Variants in ANO4 observed in about 807,000 individuals in gnomAD.
ANO4 encodes the protein anoctamin 4.
Under a neutral mutation model 141.9 loss-of-function variants are expected in ANO4, and 69 were observed. The observed-to-expected ratio is 0.49, with a 90% CI of 0.40 to 0.59. The LOEUF is 0.59. ANO4 is among the 20% of genes least tolerant of loss of function. The probability of loss-of-function intolerance (pLI) is 0.00; values close to 1 mark genes in which losing one functional copy is unlikely to be tolerated. For synonymous variants in ANO4, 350 were observed against 394.3 expected (o/e 0.89, Z 1.33); for missense variants, 894 against 1,162.2 (o/e 0.77, Z 3.36).
intron 17 of ANO4, among the ~76,000 whole-genome samples, chr12:101,088,754 G>C (rs1163877414): frequency 6.6e-6 from 1 of 151,824 alleles, no homozygotes; most frequent in Non-Finnish European, 1.5e-5. Flanking sequence ...AATTAGCCAG[G>C]TGGCACACCT....
At chr12:100,996,492 C>T (rs2045376914) in intron 8 of ANO4, among the ~76,000 whole-genome samples, 1 of 152,106 alleles carries the variant, frequency 6.6e-6, no homozygotes, top group Non-Finnish European at 1.5e-5. Context: ...TGAGACCAGC[C>T]TGCCAACATG....
intron 3 of ANO4, among the ~76,000 whole-genome samples, chr12:100,749,213 C>A (rs2032252088): frequency 6.6e-6 from 1 of 152,136 alleles, no homozygotes; most frequent in African/African-American, 2.4e-5. Flanking sequence ...AGAGGTATTG[C>A]CGCACAGGGT....
intron 1 of ANO4, among the ~76,000 whole-genome samples, chr12:100,727,141 T>A (rs1252591411): frequency 6.6e-6 from 1 of 152,202 alleles, no homozygotes. Context: ...GAATATATAT[T>A]CCCTGACTGT....
chr12:100,836,335 CT>C (rs916192488), intron 1 of ANO4, among the ~76,000 whole-genome samples: 16 of 151,948 alleles, frequency 1.1e-4, no homozygotes, highest in African/African-American at 3.9e-4. Context: ...AATATGAAGT[CT>C]TTTTATATAT....
intron 1 of ANO4, among the ~76,000 whole-genome samples, chr12:100,891,051 C>A (rs891795172): frequency 6.6e-6 from 1 of 152,094 alleles, no homozygotes; most frequent in African/African-American, 2.4e-5. Flanking sequence ...AATATGTAGC[C>A]TTTTCAGACT....
intron 9 of ANO4, among the ~76,000 whole-genome samples, chr12:101,036,726 A>G: frequency 6.6e-6 from 1 of 152,188 alleles, no homozygotes; most frequent in East Asian, 1.9e-4. Flanking sequence ...ATCAAAGAGT[A>G]TAAAGTTTCA....
Position 101,088,072 on chromosome 12 carries a change from C to T in ANO4, c.1701+1248C>T, listed in dbSNP as rs115752941. 5.2e-3 allele frequency among the ~76,000 whole-genome samples: 784 copies of T among 151,468 alleles called. 6 individuals are homozygous for T. The highest frequency in any genetic ancestry group is 0.018 in the African/African-American group (754 of 41,206). On this transcript the variant is annotated intron_variant, in intron 17 of 27. Transcript: ENST00000392977. ...GCTTTCCTCTCTCTCACAGTAAAAG[C>T]CTGCGAGGCCACATCTACACAGTGG...
rs2047443251 is a variant in ANO4 at position 101,042,404 on chromosome 12, G to A, written c.1090G>A (p.Ala364Thr). The change falls in exon 12 of 28, where the codon GCT becomes ACT. Residue 364 changes from alanine to threonine, a missense_variant. Coordinates refer to ENST00000392977, the MANE Select transcript of ANO4 (RefSeq NM_001286615.2). ...CTGGTACACCGGCATGCTCTTCCCA[G>A]CTGCCTTCATTGGATTGTTTGTCTT... ...LGWYTGMLFP[A>T]AFIGLFVFLY... 6.2e-7 allele frequency: 1 copy of A among 1,614,144 alleles called. No individual in the cohort carries two copies. The highest frequency in any genetic ancestry group is 8.5e-7 in the Non-Finnish European group (1 of 1,180,004).
At chr12:100,789,745 C>T (rs1292256593) in intron 3 of ANO4, among the ~76,000 whole-genome samples, 1 of 152,106 alleles carries the variant, frequency 6.6e-6, no homozygotes, top group Non-Finnish European at 1.5e-5. Flanking sequence ...GGCATGAATT[C>T]CTGGAAAACA....
chr12:100,909,990 C>G (rs537956121), intron 2 of ANO4, among the ~76,000 whole-genome samples: 1 of 151,832 alleles, frequency 6.6e-6, no homozygotes, highest in South Asian at 2.1e-4. Flanking sequence ...TTGAATATTC[C>G]TAATTCAAAT....
At chr12:101,058,182 C>T (rs993620143) in intron 14 of ANO4, among the ~76,000 whole-genome samples, 16 of 151,724 alleles carry the variant, frequency 1.1e-4, no homozygotes, top group African/African-American at 3.4e-4. Flanking sequence ...AGAAATGTGG[C>T]GTTATTTCTG....
At chr12:100,762,898 T>C (rs1565861510) in intron 3 of ANO4, among the ~76,000 whole-genome samples, 1 of 152,168 alleles carries the variant, frequency 6.6e-6, no homozygotes, top group African/African-American at 2.4e-5. Flanking sequence ...CAGAACATAG[T>C]AGGCGCCTAG....
intron 1 of ANO4, among the ~76,000 whole-genome samples, chr12:100,861,603 C>A (rs1379822544): frequency 2.0e-5 from 3 of 152,124 alleles, no homozygotes; most frequent in African/African-American, 7.2e-5. Context: ...TAGGACATTA[C>A]CATATACTAC....
At chr12:100,919,702 GTGTATGTA>G (rs368823212) in intron 2 of ANO4, among the ~76,000 whole-genome samples, 2 of 133,816 alleles carry the variant, frequency 1.5e-5, no homozygotes, top group African/African-American at 6.1e-5. Context: ...GTGTGTGTGT[GTGTATGTA>G]TGTATGTATG....
At chr12:101,062,704 C>T (rs1288967094) in intron 14 of ANO4, among the ~76,000 whole-genome samples, 1 of 152,214 alleles carries the variant, frequency 6.6e-6, no homozygotes, top group South Asian at 2.1e-4. Context: ...ATTACCTACT[C>T]AAGCCTCAGC....
intron 8 of ANO4, among the ~76,000 whole-genome samples, chr12:101,006,506 G>T (rs541240245): frequency 1.7e-4 from 26 of 152,288 alleles, no homozygotes; most frequent in African/African-American, 6.3e-4. Context: ...TGTGCATTTT[G>T]CAGAACGTTC....
rs56891905 is a variant in ANO4, at chr12:101,086,080, CTGTGTGTGTGTG to C, written c.1537-546_1537-535del. On this transcript the variant is annotated intron_variant, in intron 16 of 27. Coordinates refer to ENST00000392977, the MANE Select transcript of ANO4 (RefSeq NM_001286615.2). ...GAAGGATGAGTAGGTGTTAACTAGG[CTGTGTGTGTGTG>C]TGTGTGTGTGTGTGTGTGTGTGTGT... Among the ~76,000 whole-genome samples, 266 of 131,806 alleles carry C rather than the reference CTGTGTGTGTGTG, an allele frequency of 2.0e-3. 1 individual carries two copies. The highest frequency in any genetic ancestry group is 6.3e-3 in the African/African-American group (229 of 36,148). 86.5% of individuals were successfully genotyped at this position (131,806 alleles called of 152,430 possible).
intron 1 of ANO4, among the ~76,000 whole-genome samples, chr12:100,796,788 T>C (rs2034354323): frequency 6.6e-6 from 1 of 151,954 alleles, no homozygotes; most frequent in Admixed American, 6.5e-5. Context: ...TTCTTTAATG[T>C]TTAGCTGTTT....
intron 14 of ANO4, among the ~76,000 whole-genome samples, chr12:101,050,081 G>A (rs2047797764): frequency 1.3e-5 from 2 of 152,170 alleles, no homozygotes; most frequent in Admixed American, 1.3e-4. Context: ...GTAGGGACCA[G>A]GAGGAATTAG....
Sources: allele counts gnomAD v4.1 joint callset (sites outside exome capture counted in the v4.1 genomes callset), GRCh38; gene constraint gnomAD v4.1.1; transcripts MANE v1.5; gene names NCBI Gene and HGNC (gene_info 2026-07-23, HGNC 2026-07-21).